The following PHF3 variants were observed in gnomAD, a reference collection of about 807,000 sequenced individuals.
PHF3 encodes the protein PHD finger protein 3.
Under a neutral mutation model 178.4 loss-of-function variants are expected in PHF3, and 41 were observed. The observed-to-expected ratio is 0.23, with a 90% CI of 0.18 to 0.30. The LOEUF (loss-of-function observed/expected upper bound fraction) is 0.30. Ranked by LOEUF, PHF3 falls within the 10% of genes least tolerant of loss-of-function variation. PHF3 has a pLI of 1.00. For missense variants in PHF3, 2,346 were observed against 2,398.1 expected (o/e 0.98, Z 0.45); for synonymous variants, 842 against 800.5 (o/e 1.05, Z -0.88).
In PHF3 at chr6:63,712,578, A is replaced by G. The variant is rs1047730748; in HGVS notation, c.4990A>G (p.Thr1664Ala). The G allele has an allele frequency of 3.1e-6, 5 of 1,613,912 alleles. No homozygotes were observed. Among genetic ancestry groups the G allele is most frequent in the Non-Finnish European group, 4.2e-6 (5 of 1,179,926 alleles). Residue 1664 changes from threonine to alanine, a missense_variant, in exon 16 of 16, where the codon ACT (threonine) becomes GCT (alanine). Physicochemically the swap from Thr to Ala is moderately conservative, Grantham distance 58. Around this residue, in one of 8 missense-constraint regions of PHF3, gnomAD observed 839 missense variants for 806.9 expected, o/e 1.04. Coordinates refer to ENST00000262043, the MANE Select transcript of PHF3 (RefSeq NM_001370348.2). ...QAAGRSQPVT[T>A]SESKDGDSCR... is the part of the protein sequence containing the mutation. ...AGCAGGACGAAGTCAGCCTGTAACTACTTCAGAAAGCAAAGATGGAGATAG... is the reference window on the plus strand; with the variant it reads ...AGCAGGACGAAGTCAGCCTGTAACTGCTTCAGAAAGCAAAGATGGAGATAG...
intron 2 of PHF3, among the ~76,000 whole-genome samples, chr6:63,656,259 T>C (rs1194841587): frequency 1.3e-5 from 2 of 152,370 alleles, no homozygotes; most frequent in South Asian, 2.1e-4. Flanking sequence ...ATATCTTAGT[T>C]GTACTTTGCA....
Position 63,666,058 on chromosome 6 carries a change from CATAG to C in PHF3, c.245-13939_245-13936del, listed in dbSNP as rs552793014. 1.1e-3 allele frequency among the ~76,000 whole-genome samples: 162 copies of C among 152,210 alleles called. 3 individuals carry two copies. The highest frequency in any genetic ancestry group is 3.4e-3 in the Admixed American group (52 of 15,286). On this transcript the variant is annotated intron_variant, in intron 2 of 15. Transcript: ENST00000262043. ...TTTTAAAATTTAGGTAGCAGTTAATCATAGATTGATTGTCATGTCTACCGCTTTA... is the reference window on the plus strand; with the variant it reads ...TTTTAAAATTTAGGTAGCAGTTAATCATTGATTGTCATGTCTACCGCTTTA...
chr6:63,674,509 C>T (rs1485910137), intron 2 of PHF3, among the ~76,000 whole-genome samples: 2 of 151,468 alleles, frequency 1.3e-5, no homozygotes, highest in Admixed American at 6.6e-5. Context: ...ACATACAACT[C>T]GATGTAGTGT....
chr6:63,649,815 T>G (rs1171435108), intron 2 of PHF3, among the ~76,000 whole-genome samples: 1 of 152,192 alleles, frequency 6.6e-6, no homozygotes, highest in African/African-American at 2.4e-5. Flanking sequence ...ATATATTTTT[T>G]TAACCTCTAG....
intron 1 of PHF3, 85 bp downstream of exon 1, chr6:63,636,235 GC>G (rs1764325027): frequency 3.2e-6 from 1 of 315,000 alleles, no homozygotes. Context: ...GCCTCCGCGG[GC>G]CTCTCCGCCC....
Position 63,702,612 on chromosome 6 carries a change from A to C in PHF3, c.3204A>C (p.Lys1068Asn). 1 of 1,613,146 alleles carries C rather than the reference A, an allele frequency of 6.2e-7. No homozygotes were observed. Among genetic ancestry groups the C allele is most frequent in the East Asian group, 2.2e-5 (1 of 44,838 alleles). ...AAATTGAGAGTGATGCCCCAATGAA[A>C]GAACAGGAAGCAGCCATGGAGATTC... ...EIEIESDAPM[K>N]EQEAAMEIQE... The change falls in exon 10 of 16, where the codon AAA becomes AAC. Residue 1068 changes from lysine to asparagine, a missense_variant. Physicochemically the swap from Lys to Asn is moderately conservative, Grantham distance 94. This residue lies in a region of PHF3 where 205 missense variants were observed against 212.4 expected (regional missense o/e 0.97). Coordinates refer to ENST00000262043, the MANE Select transcript of PHF3 (RefSeq NM_001370348.2).
chr6:63,636,856 T>A (rs1175699225), intron 1 of PHF3: 2 of 151,786 alleles, frequency 1.3e-5, no homozygotes, highest in Non-Finnish European at 2.9e-5. Context: ...ACTGATCACC[T>A]GACACGGGGG....
rs1170539000 is a variant in PHF3, at chr6:63,721,109, C to T, written c.*7401C>T. 6.4e-7 allele frequency: 1 copy of T among 1,551,412 alleles called. No individual in the cohort carries two copies. The highest frequency in any genetic ancestry group is 1.2e-5 in the South Asian group (1 of 84,048). Reference sequence around the variant, plus strand: ...ATATAGTAGTGAACTGGAGGTTTCTCATTCTATAATTTGGATCAATGTATT... The same window carrying T: ...ATATAGTAGTGAACTGGAGGTTTCTTATTCTATAATTTGGATCAATGTATT... On this transcript the variant is annotated 3_prime_UTR_variant, in exon 16 of 16. Coordinates refer to ENST00000262043, the MANE Select transcript of PHF3 (RefSeq NM_001370348.2).
rs998649977 is a variant in PHF3, at chr6:63,720,060, G to A, written c.*6352G>A. 2.0e-5 allele frequency: 3 copies of A among 152,876 alleles called. No individual in the cohort carries two copies. Among genetic ancestry groups the A allele is most frequent in the Non-Finnish European group, 4.4e-5 (3 of 68,630 alleles). The allele number at this position is 152,876 out of a possible 1,614,324, so 9.5% of individuals were successfully genotyped here. On this transcript the variant is annotated 3_prime_UTR_variant, in exon 16 of 16. Coordinates refer to ENST00000262043, the MANE Select transcript of PHF3 (RefSeq NM_001370348.2). ...TTCTACATTCATGCAATAATTTTTG[G>A]TTTAAATCTATGTTCAAGTTTTACA...
intron 3 of PHF3, 113 bp downstream of exon 3, chr6:63,680,274 C>T (rs375655162): frequency 5.5e-6 from 5 of 907,510 alleles, no homozygotes; most frequent in African/African-American, 3.4e-5. Flanking sequence ...CTAATCCATT[C>T]GTTTTGATGG....
chr6:63,720,731 A>G lies in PHF3; in HGVS notation c.*7023A>G. The G allele has an allele frequency of 6.5e-7, 1 of 1,549,260 alleles. No homozygotes were observed. Among genetic ancestry groups the G allele is most frequent in the Middle Eastern group, 1.7e-4 (1 of 5,984 alleles). ...CAAAATTGGTTTTAAAAATCTCTTG[A>G]GTAACGATATTTACCTTTCTACCAT... is the stretch of plus-strand genomic sequence containing the variant. On this transcript the variant is annotated 3_prime_UTR_variant, in exon 16 of 16. Transcript: ENST00000262043.
In PHF3 at chr6:63,679,989, T is replaced by G. The variant is rs754436055; in HGVS notation, c.245-11T>G. ...TTTTTAAAAGTTAATTTTTTTGTCG[T>G]TTTTTTCTAGTTGTTGGTCTTGACG... On this transcript the variant is annotated splice_polypyrimidine_tract_variant and intron_variant, in intron 2 of 15. Coordinates refer to ENST00000262043, the MANE Select transcript of PHF3 (RefSeq NM_001370348.2). 13 of 1,605,064 alleles carry G rather than the reference T, an allele frequency of 8.1e-6. No homozygotes were observed. Among genetic ancestry groups the G allele is most frequent in the Non-Finnish European group, 1.1e-5 (13 of 1,175,302 alleles).
rs1334713199 is a variant in PHF3 at position 63,721,450 on chromosome 6, T to A, written c.*7742T>A. On this transcript the variant is annotated 3_prime_UTR_variant, in exon 16 of 16. Transcript: ENST00000262043. ...GAGCCACCTTTTGCTCCAAATTCAG[T>A]TAATTGTAATTCTTGATTATTTATG... The A allele has an allele frequency of 6.4e-7, 1 of 1,551,562 alleles. No individual in the cohort carries two copies.
intron 2 of PHF3, among the ~76,000 whole-genome samples, chr6:63,663,399 C>T (rs916169165): frequency 6.6e-6 from 1 of 152,148 alleles, no homozygotes. Flanking sequence ...AATTCCTTGG[C>T]AGTGGCAGAT....
chr6:63,698,703 G>A (rs994155262), intron 8 of PHF3, 98 bp downstream of exon 8: 3 of 852,700 alleles, frequency 3.5e-6, no homozygotes, highest in African/African-American at 3.5e-5. Flanking sequence ...ATTAATTGGA[G>A]TGAGATTATA....
At chr6:63,705,304 T>G (rs1206757313) in intron 11 of PHF3, among the ~76,000 whole-genome samples, 48 of 152,198 alleles carry the variant, frequency 3.2e-4, no homozygotes. Context: ...TTCACTTCAC[T>G]AAGAGAGGAA....
In PHF3 at chr6:63,723,524, T is replaced by A. The variant is rs894947693; in HGVS notation, c.*9816T>A. 6.6e-6 allele frequency among the ~76,000 whole-genome samples: 1 copy of A among 152,052 alleles called. No homozygotes were observed. The highest frequency in any genetic ancestry group is 1.5e-5 in the Non-Finnish European group (1 of 68,006). On this transcript the variant is annotated 3_prime_UTR_variant, in exon 16 of 16. Coordinates refer to ENST00000262043, the MANE Select transcript of PHF3 (RefSeq NM_001370348.2). ...TGAAGAGCTACATTAGAATAAAAAA[T>A]ATCTAAGAAATGATTAGGAAAGCTG...
rs1299294393 is a variant in PHF3, at chr6:63,722,502, CA to C, written c.*8795del. ...TGAAGAAATAGGAACAAATACCATC[CA>C]GCATCTGAAGTTGCAATGAGGCATT... On this transcript the variant is annotated 3_prime_UTR_variant, in exon 16 of 16. Transcript: ENST00000262043. 6.6e-6 allele frequency among the ~76,000 whole-genome samples: 1 copy of C among 152,138 alleles called. No individual in the cohort carries two copies. The highest frequency in any genetic ancestry group is 1.5e-5 in the Non-Finnish European group (1 of 68,012).
At position 63,725,993 on chromosome 6, in the gene PHF3, T is replaced by A. The variant is rs1362224708; in HGVS notation, c.*12285T>A. ...CAAGGGTAAAGTAAAACCTAAAAAA[T>A]TAAATTTTAAAACACTAATTGGATA... On this transcript the variant is annotated 3_prime_UTR_variant, in exon 16 of 16. Coordinates refer to ENST00000262043, the MANE Select transcript of PHF3 (RefSeq NM_001370348.2). 6.6e-6 allele frequency among the ~76,000 whole-genome samples: 1 copy of A among 152,138 alleles called. No individual in the cohort carries two copies. The highest frequency in any genetic ancestry group is 2.4e-5 in the African/African-American group (1 of 41,450).
Sources: gnomAD v4.1 joint callset for allele counts (sites outside exome capture counted in the v4.1 genomes callset) on GRCh38, gnomAD v4.1.1 for gene constraint, gnomAD v4.1.1 regional missense constraint, MANE v1.5 for transcripts, NCBI Gene and HGNC (gene_info 2026-07-23, HGNC 2026-07-21) for gene names.